VWA3A: variants seen among roughly 807,000 people sequenced by gnomAD.
VWA3A encodes von Willebrand factor A domain containing 3A.
VWA3A carries 134 observed loss-of-function variants against 160.4 expected under a neutral mutation model. The observed-to-expected ratio is 0.84, with a 90% confidence interval of 0.73 to 0.96. The LOEUF (loss-of-function observed/expected upper bound fraction) is 0.96. VWA3A is among the 40% of genes least tolerant of loss of function. The pLI is 0.00. For synonymous variants in VWA3A, 476 were observed against 543.4 expected (o/e 0.88, Z 1.72); for missense variants, 1,310 against 1,447.9 (o/e 0.90, Z 1.55).
chr16:22,095,114 C>T (rs576956663), intron 1 of VWA3A, among the ~76,000 whole-genome samples: 3 of 152,118 alleles, frequency 2.0e-5, no homozygotes, highest in East Asian at 3.8e-4. Flanking sequence ...TAAAAAATCC[C>T]TCTAATGAAT....
chr16:22,092,694 G>C lies in VWA3A; in HGVS notation c.14+43G>C, dbSNP rs756453731. 7.1e-6 allele frequency: 11 copies of C among 1,549,566 alleles called. No homozygotes were observed. The Admixed American group carries it at 2.2e-4, about 30-fold the overall frequency. ...AAGGGTTGACAGGGGTGGTGAGAGG[G>C]TGTCGGGGAGGCCAGATACTAAGCT... is the stretch of plus-strand genomic sequence containing the variant. On this transcript the variant is annotated intron_variant, in intron 1 of 33. Transcript: ENST00000389398.
intron 14 of VWA3A, 93 bp downstream of exon 14, chr16:22,121,710 C>G: frequency 9.8e-7 from 1 of 1,024,430 alleles, no homozygotes; most frequent in Middle Eastern, 2.7e-4. Flanking sequence ...GTAAGAATCA[C>G]CAGGGATTCA....
chr16:22,092,765 C>T, intron 1 of VWA3A, 114 bp downstream of exon 1: 2 of 1,331,498 alleles, frequency 1.5e-6, no homozygotes, highest in Non-Finnish European at 2.1e-6. Flanking sequence ...GTGAAGTGTC[C>T]ACTCCCTACA....
intron 10 of VWA3A, 114 bp downstream of exon 10, chr16:22,116,981 G>A (rs2045659898): frequency 2.8e-6 from 4 of 1,411,312 alleles, no homozygotes; most frequent in Non-Finnish European, 3.9e-6. Context: ...GAATGCACCT[G>A]TCCCTGTGCC....
rs781232829 is a variant in VWA3A at position 22,100,416 on chromosome 16, G to C, written c.351G>C (p.Leu117=). ...ADLISQGTEV[L]EEGTNVVQKI... ...CCCTCATAAGGCTTTGCTTCTTCAG[G>C]GAGGAGGGCACCAATGTCGTGCAGA... The change falls in exon 5 of 34, where the codon CTG becomes CTC. Residue 117 remains leucine, a splice_region_variant and synonymous_variant. Transcript: ENST00000389398. 1 of 1,551,590 alleles carries C rather than the reference G, an allele frequency of 6.4e-7. No homozygotes were observed. The highest frequency in any genetic ancestry group is 1.2e-5 in the South Asian group (1 of 84,040).
In VWA3A at chr16:22,109,455, G is replaced by A. The variant is rs1355195192; in HGVS notation, c.484-27G>A. On this transcript the variant is annotated intron_variant, in intron 6 of 33. Transcript: ENST00000389398. ...GGAGACACACAGACTTGCACTGGCT[G>A]TTTCCAAATGCCCTCTTTGGTTTTA... 3 of 1,555,246 alleles carry A rather than the reference G, an allele frequency of 1.9e-6. No individual in the cohort carries two copies. The African/African-American group carries it at 4.1e-5, about 21-fold the overall frequency.
intron 16 of VWA3A, among the ~76,000 whole-genome samples, chr16:22,124,393 G>T (rs920877168): frequency 4.6e-5 from 7 of 151,366 alleles, no homozygotes; most frequent in African/African-American, 1.7e-4. Context: ...AGGAAAATCA[G>T]GATGCTGTTG....
At chr16:22,117,260 C>A in intron 11 of VWA3A, 84 bp downstream of exon 11, 1 of 1,397,012 alleles carries the variant, frequency 7.2e-7, no homozygotes, top group Non-Finnish European at 9.9e-7. Flanking sequence ...TGGGCCAGGA[C>A]CATACTATAT....
intron 8 of VWA3A, among the ~76,000 whole-genome samples, chr16:22,114,941 G>A (rs1414705241): frequency 1.3e-5 from 2 of 152,058 alleles, no homozygotes; most frequent in Non-Finnish European, 2.9e-5. Flanking sequence ...AAGTAGCTGG[G>A]ATTACAGGCA....
chr16:22,144,538 A>T (rs1300641405), intron 26 of VWA3A, among the ~76,000 whole-genome samples, 154 bp downstream of exon 26: 1 of 152,006 alleles, frequency 6.6e-6, no homozygotes, highest in Non-Finnish European at 1.5e-5. Context: ...GGAGATGCAA[A>T]ATCCTGTTGG....
chr16:22,109,253 G>A (rs2045520991), intron 6 of VWA3A, among the ~76,000 whole-genome samples: 2 of 152,122 alleles, frequency 1.3e-5, no homozygotes, highest in African/African-American at 2.4e-5. Flanking sequence ...ATAAATATAA[G>A]GGGAAAAAAC....
At chr16:22,129,717 G>A (rs375351466) in intron 17 of VWA3A, among the ~76,000 whole-genome samples, 12 of 152,198 alleles carry the variant, frequency 7.9e-5, no homozygotes, top group African/African-American at 2.4e-4. Context: ...GTGGAGATGC[G>A]AAGAGGAGAG....
intron 16 of VWA3A, among the ~76,000 whole-genome samples, chr16:22,124,135 C>T (rs541482014): frequency 1.7e-4 from 24 of 137,550 alleles, no homozygotes; most frequent in African/African-American, 4.1e-4. Context: ...GGGCTATGAT[C>T]GTGCCACTGT....
At chr16:22,097,721 G>T (rs748129834) in intron 3 of VWA3A, 26 bp downstream of exon 3, 57 of 1,550,714 alleles carry the variant, frequency 3.7e-5, no homozygotes, top group Non-Finnish European at 4.5e-5. Flanking sequence ...CTTTAACTGG[G>T]TCGTGATACT....
At chr16:22,110,473 C>G (rs1052621419) in intron 7 of VWA3A, among the ~76,000 whole-genome samples, 1 of 152,104 alleles carries the variant, frequency 6.6e-6, no homozygotes, top group East Asian at 1.9e-4. Context: ...ACGGAGTTTC[C>G]AAAGATCCCC....
chr16:22,103,913 A>G (rs2045444700), intron 6 of VWA3A, among the ~76,000 whole-genome samples: 1 of 152,158 alleles, frequency 6.6e-6, no homozygotes. Context: ...ATATACTATC[A>G]CTATTTGACT....
chr16:22,115,132 C>T (rs1210702553), intron 8 of VWA3A, among the ~76,000 whole-genome samples: 2 of 151,978 alleles, frequency 1.3e-5, no homozygotes, highest in Non-Finnish European at 2.9e-5. Context: ...AAAAATTAGC[C>T]GGGCAGGATG....
intron 11 of VWA3A, 66 bp downstream of exon 11, chr16:22,117,242 A>G: frequency 6.6e-7 from 1 of 1,517,856 alleles, no homozygotes; most frequent in Admixed American, 2.0e-5. Flanking sequence ...GGTTGTACCC[A>G]GGAGATCTGG....
At chr16:22,137,170 G>A (rs1017657001) in intron 21 of VWA3A, among the ~76,000 whole-genome samples, 2 of 152,122 alleles carry the variant, frequency 1.3e-5, no homozygotes, top group Non-Finnish European at 2.9e-5. Context: ...CAGATAAACT[G>A]ATACATATGG....
Sources: allele counts gnomAD v4.1 joint callset (sites outside exome capture counted in the v4.1 genomes callset), GRCh38; gene constraint gnomAD v4.1.1; transcripts MANE v1.5; gene names NCBI Gene and HGNC (gene_info 2026-07-23, HGNC 2026-07-21).